The following TASP1 variants were observed in gnomAD, a reference collection of about 807,000 sequenced individuals.
The protein encoded by TASP1 is taspase 1, also known as threonine aspartase 1.
In TASP1, 16 loss-of-function variants were observed where a neutral mutation model predicts 56.6. The observed-to-expected ratio is 0.28, with a 90% CI of 0.19 to 0.43. TASP1 has a LOEUF of 0.43. TASP1 is among the 20% of genes least tolerant of loss of function. The pLI is 1.00. For synonymous variants in TASP1, 179 were observed against 184.2 expected (o/e 0.97, Z 0.23); for missense variants, 393 against 511.6 (o/e 0.77, Z 2.24).
chr20:13,150,677 CT>C, the TASP1 span, among the ~76,000 whole-genome samples: 2 of 152,150 alleles, frequency 1.3e-5, no homozygotes, highest in Admixed American at 1.3e-4. Context: ...ATGTGGGATT[CT>C]TCAATTCCTG....
At chr20:13,407,476 G>C (rs1196640717) in intron 13 of TASP1, among the ~76,000 whole-genome samples, 1 of 152,166 alleles carries the variant, frequency 6.6e-6, no homozygotes, top group Non-Finnish European at 1.5e-5. Flanking sequence ...CCATTCATCA[G>C]TTGATGGGCA....
the TASP1 span, among the ~76,000 whole-genome samples, chr20:13,209,329 TAC>T: frequency 2.0e-5 from 3 of 152,202 alleles, no homozygotes; most frequent in African/African-American, 7.2e-5. Context: ...CAAGCTAATA[TAC>T]ACAGTCTTCA....
At chr20:13,478,019 A>ACC (rs1236723016) in intron 11 of TASP1, among the ~76,000 whole-genome samples, 2 of 152,148 alleles carry the variant, frequency 1.3e-5, no homozygotes, top group Non-Finnish European at 2.9e-5. Context: ...ATTTAAACAA[A>ACC]CCCTACACTT....
chr20:13,216,403 G>A, the TASP1 span, among the ~76,000 whole-genome samples: 3 of 152,140 alleles, frequency 2.0e-5, no homozygotes, highest in Non-Finnish European at 2.9e-5. Flanking sequence ...TTAGGACAGC[G>A]GTTGACAAAC....
chr20:13,491,447 C>CTT (rs2043522059), intron 10 of TASP1, among the ~76,000 whole-genome samples: 1 of 152,198 alleles, frequency 6.6e-6, no homozygotes, highest in Non-Finnish European at 1.5e-5. Context: ...GCCCCATTCA[C>CTT]TTCACTTCCC....
At chr20:13,279,683 A>G in the TASP1 span, 8 of 1,613,920 alleles carry the variant, frequency 5.0e-6, no homozygotes, top group Admixed American at 1.2e-4. Context: ...GATAAAGATC[A>G]GCATCCGGAG....
chr20:13,117,394 C>A, the TASP1 span: 2 of 1,046,492 alleles, frequency 1.9e-6, no homozygotes, highest in South Asian at 2.3e-5. Context: ...GCCTTCAGAA[C>A]AAAGGAATGG....
At chr20:13,118,625 C>T in the TASP1 span, among the ~76,000 whole-genome samples, 3 of 152,160 alleles carry the variant, frequency 2.0e-5, no homozygotes, top group African/African-American at 7.2e-5. Context: ...GACAAACCTA[C>T]ACCTGTCCCA....
the TASP1 span, among the ~76,000 whole-genome samples, chr20:13,280,399 C>CG: frequency 1.4e-5 from 2 of 147,654 alleles, no homozygotes; most frequent in African/African-American, 4.9e-5. Context: ...TAACCCCCCC[C>CG]CCCCAATACA....
the TASP1 span, among the ~76,000 whole-genome samples, chr20:13,148,681 T>G: frequency 2.6e-5 from 4 of 152,156 alleles, no homozygotes; most frequent in African/African-American, 9.7e-5. Flanking sequence ...GGACCAGAAA[T>G]GGCAGCTATT....
At chr20:13,129,503 T>C in the TASP1 span, among the ~76,000 whole-genome samples, 28 of 152,360 alleles carry the variant, frequency 1.8e-4, no homozygotes, top group Non-Finnish European at 2.8e-4. Flanking sequence ...GTTAACTGAA[T>C]TGTCTCAGAA....
At chr20:13,417,166 T>C (rs1186406645) in intron 13 of TASP1, among the ~76,000 whole-genome samples, 1 of 152,208 alleles carries the variant, frequency 6.6e-6, no homozygotes, top group African/African-American at 2.4e-5. Flanking sequence ...TCCTCTTCTC[T>C]ACTTATTCAC....
rs1332697736 is a variant in TASP1 at position 13,589,449 on chromosome 20, T to C, written c.283-2079A>G. Among the ~76,000 whole-genome samples, 3 of 152,210 alleles carry C rather than the reference T, an allele frequency of 2.0e-5. No individual in the cohort carries two copies. In the South Asian group the frequency reaches 6.2e-4, roughly 32 times the overall value. On this transcript the variant is annotated intron_variant, in intron 4 of 13. Transcript: ENST00000337743. ...TTGGACCCCTATCTCACACCATGTA[T>C]AAAAATTAACTCAAAGTGGACCAAA...
intron 10 of TASP1, among the ~76,000 whole-genome samples, chr20:13,526,462 A>G (rs2044983786): frequency 6.6e-6 from 1 of 152,204 alleles, no homozygotes; most frequent in Non-Finnish European, 1.5e-5. Flanking sequence ...TTCACAGCCT[A>G]ATTTGTAAAC....
At chr20:13,154,118 T>C in the TASP1 span, 4 of 1,614,150 alleles carry the variant, frequency 2.5e-6, no homozygotes, top group Non-Finnish European at 3.4e-6. Context: ...CTCTGCTTCT[T>C]TATATGCCTG....
chr20:13,386,799 T>C (rs1200327060), downstream of TASP1, among the ~76,000 whole-genome samples: 1 of 152,202 alleles, frequency 6.6e-6, no homozygotes, highest in Non-Finnish European at 1.5e-5. Context: ...TAGGACTTAT[T>C]TATACATACT....
the TASP1 span, chr20:13,154,160 T>C: frequency 1.9e-6 from 3 of 1,613,484 alleles, no homozygotes; most frequent in South Asian, 3.3e-5. Context: ...AGGCATCTCA[T>C]AATCACACCT....
the TASP1 span, among the ~76,000 whole-genome samples, chr20:13,284,330 C>G: frequency 1.6e-4 from 24 of 152,316 alleles, no homozygotes; most frequent in African/African-American, 5.1e-4. Context: ...CAGCGGCATC[C>G]TTGAAACCCA....
At chr20:13,557,904 TA>T (rs1311305124) in intron 8 of TASP1, among the ~76,000 whole-genome samples, 2 of 152,072 alleles carry the variant, frequency 1.3e-5, no homozygotes, top group Non-Finnish European at 2.9e-5. Context: ...AAAAAAGTCC[TA>T]AATTCATTCA....
Sources: allele counts gnomAD v4.1 joint callset (sites outside exome capture counted in the v4.1 genomes callset), GRCh38; gene constraint gnomAD v4.1.1; transcripts MANE v1.5; gene names NCBI Gene and HGNC (gene_info 2026-07-23, HGNC 2026-07-21).